DOCK10: variants seen among roughly 807,000 people sequenced by gnomAD.
DOCK10 encodes the protein dedicator of cytokinesis 10.
DOCK10 carries 145 observed loss-of-function variants against 280.1 expected under a neutral mutation model. That is an observed-to-expected ratio of 0.52 (90% CI 0.45 to 0.59). The LOEUF (loss-of-function observed/expected upper bound fraction) is 0.59. DOCK10 is among the 20% of genes least tolerant of loss of function. The pLI is 0.00. For synonymous variants in DOCK10, 915 were observed against 942.2 expected (o/e 0.97, Z 0.53); for missense variants, 2,368 against 2,651.7 (o/e 0.89, Z 2.35).
At chr2:224,967,140 C>T (rs983555331) in intron 1 of DOCK10, among the ~76,000 whole-genome samples, 174 of 148,550 alleles carry the variant, frequency 1.2e-3, no homozygotes, top group African/African-American at 3.9e-3. Context: ...AGTGCAGTGG[C>T]GAGATCTCGG....
chr2:224,950,441 G>A lies in DOCK10; in HGVS notation c.124-18773C>T, dbSNP rs1703665065. Among the ~76,000 whole-genome samples, 5 of 152,170 alleles carry A rather than the reference G, an allele frequency of 3.3e-5. No individual in the cohort carries two copies. In the South Asian group the frequency reaches 1.0e-3, roughly 32 times the overall value. Reference sequence around the variant, plus strand: ...TTTTACAGAGGAATATTTGGGTTCTGGAGAAATTAAGCAATTGGCCCAAAG... The same window carrying A: ...TTTTACAGAGGAATATTTGGGTTCTAGAGAAATTAAGCAATTGGCCCAAAG... On this transcript the variant is annotated intron_variant, in intron 1 of 55. Coordinates refer to ENST00000258390, the MANE Select transcript of DOCK10 (RefSeq NM_014689.3).
At chr2:224,868,449 CTTAAGT>C (rs1353063638) in intron 11 of DOCK10, among the ~76,000 whole-genome samples, 1 of 152,136 alleles carries the variant, frequency 6.6e-6, no homozygotes, top group Non-Finnish European at 1.5e-5. Context: ...TAAAATGCTA[CTTAAGT>C]TTGAGTTGAT....
At chr2:224,795,623 G>A (rs1692510876) in intron 44 of DOCK10, among the ~76,000 whole-genome samples, 1 of 152,202 alleles carries the variant, frequency 6.6e-6, no homozygotes, top group Non-Finnish European at 1.5e-5. Flanking sequence ...TGCCCAGGGG[G>A]ATAGCCTGTC....
chr2:224,885,224 T>A (rs1699207469), intron 7 of DOCK10, among the ~76,000 whole-genome samples: 1 of 152,228 alleles, frequency 6.6e-6, no homozygotes, highest in Non-Finnish European at 1.5e-5. Flanking sequence ...AGTCTCCAAC[T>A]CCTGACCTCA....
intron 1 of DOCK10, among the ~76,000 whole-genome samples, chr2:224,965,275 C>T (rs939735252): frequency 1.3e-5 from 2 of 152,132 alleles, no homozygotes; most frequent in South Asian, 2.1e-4. Flanking sequence ...TAAAAGTGCC[C>T]AGATTTCATG....
chr2:224,793,499 T>A, intron 45 of DOCK10, 42 bp from the exon 46 acceptor site: 1 of 1,511,270 alleles, frequency 6.6e-7, no homozygotes. Flanking sequence ...GGGATGGAGT[T>A]TAATATAATT....
At chr2:225,033,363 A>C (rs1690136560) in intron 1 of DOCK10, among the ~76,000 whole-genome samples, 1 of 151,972 alleles carries the variant, frequency 6.6e-6, no homozygotes, top group African/African-American at 2.4e-5. Context: ...TTGTAATTTT[A>C]GTAGAGATGG....
intron 23 of DOCK10, among the ~76,000 whole-genome samples, chr2:224,841,103 T>G (rs750864099): frequency 7.2e-5 from 11 of 152,070 alleles, no homozygotes; most frequent in Non-Finnish European, 1.3e-4. Context: ...TACCAGGGGC[T>G]AGGGAGGGGA....
At chr2:224,925,399 G>A (rs1478683787) in intron 2 of DOCK10, among the ~76,000 whole-genome samples, 3 of 152,164 alleles carry the variant, frequency 2.0e-5, no homozygotes, top group Admixed American at 2.0e-4. Context: ...AGTGAAAAGT[G>A]CAGAATGCCT....
Position 224,831,905 on chromosome 2 carries a change from G to T in DOCK10, c.2965-1293C>A, listed in dbSNP as rs148759581. On this transcript the variant is annotated intron_variant, in intron 26 of 55. Coordinates refer to ENST00000258390, the MANE Select transcript of DOCK10 (RefSeq NM_014689.3). ...CAAGAGGGTCTTGGGGTTCCTTACA[G>T]GTCTAGAAGGGGAGGTAGGGGCTCC... Among the ~76,000 whole-genome samples, 229 of 152,236 alleles carry T rather than the reference G, an allele frequency of 1.5e-3. 3 individuals are homozygous for T. In the East Asian group the frequency reaches 0.022, roughly 14 times the overall value.
At chr2:224,989,606 C>A (rs1485745145) in intron 1 of DOCK10, among the ~76,000 whole-genome samples, 1 of 152,118 alleles carries the variant, frequency 6.6e-6, no homozygotes, top group Non-Finnish European at 1.5e-5. Flanking sequence ...GGGATTTGGT[C>A]ATTTTCCAGG....
chr2:224,965,806 A>T (rs961326125), intron 1 of DOCK10, among the ~76,000 whole-genome samples: 5 of 152,254 alleles, frequency 3.3e-5, no homozygotes, highest in African/African-American at 1.2e-4. Flanking sequence ...TGTTTAAAAA[A>T]AGTAACTTAA....
chr2:224,925,297 T>C (rs909033579), intron 2 of DOCK10, among the ~76,000 whole-genome samples: 11 of 152,204 alleles, frequency 7.2e-5, no homozygotes, highest in African/African-American at 2.2e-4. Context: ...GAAGTCCCCA[T>C]ATACCATTTG....
intron 21 of DOCK10, 39 bp from the exon 22 acceptor site, chr2:224,844,878 C>T (rs369673114): frequency 1.4e-4 from 187 of 1,363,110 alleles, no homozygotes; most frequent in Non-Finnish European, 1.8e-4. Context: ...TGGGACAATT[C>T]GAGAGAAAGA....
intron 55 of DOCK10, among the ~76,000 whole-genome samples, chr2:224,766,617 TG>T (rs1178001134): frequency 2.0e-5 from 3 of 152,232 alleles, no homozygotes; most frequent in African/African-American, 7.2e-5. Flanking sequence ...TACCTATGCT[TG>T]GTATCACACC....
At chr2:225,006,466 T>A (rs774566616) in intron 1 of DOCK10, among the ~76,000 whole-genome samples, 40 of 152,182 alleles carry the variant, frequency 2.6e-4, no homozygotes, top group Non-Finnish European at 4.4e-4. Flanking sequence ...CCCATTTATG[T>A]TTTAGCCCCT....
chr2:224,817,553 A>T (rs749554767), intron 29 of DOCK10, among the ~76,000 whole-genome samples: 2 of 152,210 alleles, frequency 1.3e-5, no homozygotes, highest in African/African-American at 2.4e-5. Flanking sequence ...TTTGACTTAA[A>T]CCTTTGTACA....
At chr2:224,812,148 C>T (rs1346453646) in intron 31 of DOCK10, among the ~76,000 whole-genome samples, 1 of 152,070 alleles carries the variant, frequency 6.6e-6, no homozygotes, top group African/African-American at 2.4e-5. Flanking sequence ...TGTTTGTATC[C>T]TCTTTTATTT....
At chr2:224,905,890 A>C (rs1044799977) in intron 3 of DOCK10, among the ~76,000 whole-genome samples, 6 of 151,958 alleles carry the variant, frequency 3.9e-5, no homozygotes. Context: ...TTCCAGCCCA[A>C]TTCTCTGGTG....
Sources: allele counts gnomAD v4.1 joint callset (sites outside exome capture counted in the v4.1 genomes callset), GRCh38; gene constraint gnomAD v4.1.1; transcripts MANE v1.5; gene names NCBI Gene and HGNC (gene_info 2026-07-23, HGNC 2026-07-21).